Variants in OTOA observed in about 807,000 individuals in gnomAD.
OTOA encodes otoancorin.
A neutral mutation model predicts 110.8 loss-of-function variants in OTOA; 70 were observed. The observed-to-expected ratio is 0.63, with a 90% CI of 0.52 to 0.77. OTOA has a LOEUF of 0.77. Among genes scored for constraint, OTOA ranks in the 30% least tolerant of loss-of-function variants. OTOA has a pLI of 0.00. For synonymous variants in OTOA, 373 were observed against 431.5 expected (o/e 0.86, Z 1.68); for missense variants, 917 against 1,075.8 (o/e 0.85, Z 2.06).
intron 10 of OTOA, among the ~76,000 whole-genome samples, chr16:21,698,543 T>G (rs1475869311): frequency 6.6e-6 from 1 of 152,136 alleles, no homozygotes; most frequent in African/African-American, 2.4e-5. Context: ...TTTTTCTTCT[T>G]CTTCTTCTTC....
At chr16:21,706,970 C>T (rs181535749) in intron 12 of OTOA, among the ~76,000 whole-genome samples, 11 of 151,308 alleles carry the variant, frequency 7.3e-5, no homozygotes, top group Admixed American at 2.7e-4. Flanking sequence ...TTGCAACCTT[C>T]GCCTTGCCTC....
In OTOA at chr16:21,687,611, C is replaced by A; in HGVS notation, c.598C>A (p.Leu200Ile). The stretch of plus-strand genomic sequence containing the variant: ...TCTCCAGCCAGACATCACAGAGCGG[C>A]TCCCTCGGGACCTGCGCGAGGATGC... Reference protein sequence around the residue: ...SFLQPDITERLPRDLREDAFK... With the variant: ...SFLQPDITERIPRDLREDAFK... Residue 200 changes from leucine to isoleucine, a missense_variant, in exon 8 of 29, where the codon CTC (leucine) becomes ATC (isoleucine). Leu to Ile is a conservative substitution (Grantham distance 5). Transcript: ENST00000646100. The A allele has an allele frequency of 6.2e-7, 1 of 1,613,412 alleles. No homozygotes were observed. The highest frequency in any genetic ancestry group is 8.5e-7 in the Non-Finnish European group (1 of 1,179,920).
chr16:21,690,295 G>A (rs927494345), intron 8 of OTOA, among the ~76,000 whole-genome samples: 5 of 151,930 alleles, frequency 3.3e-5, no homozygotes, highest in African/African-American at 1.2e-4. Flanking sequence ...CACCACCTAG[G>A]TATCAAGCCC....
At chr16:21,707,053 T>G (rs1898189154) in intron 12 of OTOA, among the ~76,000 whole-genome samples, 1 of 151,528 alleles carries the variant, frequency 6.6e-6, no homozygotes, top group African/African-American at 2.4e-5. Flanking sequence ...TTAGTAGAGA[T>G]GGGGTTTTAC....
intron 1 of OTOA, among the ~76,000 whole-genome samples, chr16:21,670,871 A>G (rs184220735): frequency 2.6e-5 from 4 of 152,312 alleles, no homozygotes; most frequent in African/African-American, 9.6e-5. Context: ...CCGGGCAAAG[A>G]GGAAGGGGAA....
chr16:21,687,749 C>T, intron 8 of OTOA, 101 bp downstream of exon 8: 12 of 1,009,592 alleles, frequency 1.2e-5, no homozygotes, highest in Non-Finnish European at 1.6e-5. Flanking sequence ...CTCACTGCAA[C>T]CTCTGCCTCC....
At chr16:21,709,007 G>A (rs1280025053) in intron 12 of OTOA, among the ~76,000 whole-genome samples, 1 of 152,148 alleles carries the variant, frequency 6.6e-6, no homozygotes, top group Non-Finnish European at 1.5e-5. Flanking sequence ...TTACAACTCT[G>A]TAAAAACTAT....
intron 6 of OTOA, 51 bp downstream of exon 6, chr16:21,681,876 G>A (rs774223142): frequency 2.6e-6 from 4 of 1,541,236 alleles, no homozygotes; most frequent in East Asian, 2.2e-5. Flanking sequence ...CTCAGGGATT[G>A]CAAACTCAGG....
intron 7 of OTOA, 22 bp downstream of exon 7, chr16:21,685,383 G>A (rs181276948): frequency 1.7e-5 from 28 of 1,607,150 alleles, no homozygotes; most frequent in Middle Eastern, 3.3e-4. Flanking sequence ...TTGGCATCCC[G>A]GGGATAGAGG....
rs1441299145 is a variant in OTOA at position 21,722,890 on chromosome 16, T to C, written c.1807-15T>C. 1 of 1,611,710 alleles carries C rather than the reference T, an allele frequency of 6.2e-7. No homozygotes were observed. The highest frequency in any genetic ancestry group is 8.5e-7 in the Non-Finnish European group (1 of 1,177,808). ...TCTTACTGCATTAAATCCCCAGAACTGCTTAATCTTTCAGGTTAATTGTTT... is the reference window on the plus strand; with the variant it reads ...TCTTACTGCATTAAATCCCCAGAACCGCTTAATCTTTCAGGTTAATTGTTT... On this transcript the variant is annotated splice_polypyrimidine_tract_variant and intron_variant, in intron 17 of 28. Transcript: ENST00000646100.
Position 21,685,164 on chromosome 16 carries a change from C to G in OTOA, c.268-66C>G, listed in dbSNP as rs563563607. On this transcript the variant is annotated intron_variant, in intron 6 of 28. Transcript: ENST00000646100. ...GAGGGGGCCGGGCTGGGCCGCTGGCCATGGTGCTGACCATGTGCTCCTGCT... is the reference window on the plus strand; with the variant it reads ...GAGGGGGCCGGGCTGGGCCGCTGGCGATGGTGCTGACCATGTGCTCCTGCT... 11 of 1,595,410 alleles carry G rather than the reference C, an allele frequency of 6.9e-6. No individual in the cohort carries two copies. In the South Asian group the frequency reaches 1.2e-4, roughly 18 times the overall value.
At chr16:21,707,657 CT>C (rs1567379625) in intron 12 of OTOA, among the ~76,000 whole-genome samples, 1 of 91,478 alleles carries the variant, frequency 1.1e-5, no homozygotes, top group African/African-American at 3.7e-5. Context: ...TTCTTTCTTT[CT>C]CTTTCTTTCT....
rs1899297863 is a variant in OTOA at position 21,736,360 on chromosome 16, G to C, written c.2401G>C (p.Asp801His). Residue 801 changes from aspartate (D) to histidine (H), a missense_variant, in exon 22 of 29, where the codon GAT becomes CAT. Asp to His is a moderately conservative substitution (Grantham distance 81). Around this residue, in one of 6 missense-constraint regions of OTOA, gnomAD observed 57 missense variants for 59.7 expected, o/e 0.96. Coordinates refer to ENST00000646100, the MANE Select transcript of OTOA (RefSeq NM_144672.4). ...CTTTCAGTCTGTTCGGAACAGCAGT[G>C]ATAAGATCCCCAGCTATGACCCTAT... ...AVFQSVRNSS[D>H]KIPSYDPMPG... 3 of 1,614,144 alleles carry C rather than the reference G, an allele frequency of 1.9e-6. No individual in the cohort carries two copies. Among genetic ancestry groups the C allele is most frequent in the Non-Finnish European group, 2.5e-6 (3 of 1,180,018 alleles).
chr16:21,694,204 G>A (rs1567371680), intron 9 of OTOA, among the ~76,000 whole-genome samples: 1 of 152,104 alleles, frequency 6.6e-6, no homozygotes, highest in Non-Finnish European at 1.5e-5. Context: ...ACTTTGGGAG[G>A]CCCAGGCAGG....
chr16:21,757,900 G>A (rs1258951385), intron 28 of OTOA, among the ~76,000 whole-genome samples: 2 of 152,086 alleles, frequency 1.3e-5, no homozygotes, highest in African/African-American at 2.4e-5. Context: ...TTACAGGCGC[G>A]AGCCACCAAG....
At position 21,717,053 on chromosome 16, in the gene OTOA, ACC is replaced by A. The variant is rs771092269; in HGVS notation, c.1629+7_1629+8del. 1 of 1,614,054 alleles carries A rather than the reference ACC, an allele frequency of 6.2e-7. No homozygotes were observed. The highest frequency in any genetic ancestry group is 1.7e-5 in the Admixed American group (1 of 60,008). On this transcript the variant is annotated splice_region_variant and intron_variant, in intron 15 of 28. Coordinates refer to ENST00000646100, the MANE Select transcript of OTOA (RefSeq NM_144672.4). ...AGGAACTTGGAAGGAGCCAGGTATT[ACC>A]ATGAAACACAGATCGATCCTGTATT...
chr16:21,694,265 A>G (rs941905261), intron 9 of OTOA, among the ~76,000 whole-genome samples: 3 of 151,960 alleles, frequency 2.0e-5, no homozygotes. Flanking sequence ...ACATAGCAAG[A>G]CCCCATTTCT....
chr16:21,682,062 A>G (rs1229633748), intron 6 of OTOA, among the ~76,000 whole-genome samples: 1 of 152,224 alleles, frequency 6.6e-6, no homozygotes, highest in Non-Finnish European at 1.5e-5. Context: ...GCTATAACAA[A>G]AAGACCCCCA....
intron 18 of OTOA, among the ~76,000 whole-genome samples, chr16:21,725,493 G>A (rs536304836): frequency 2.1e-4 from 32 of 152,066 alleles, no homozygotes; most frequent in Non-Finnish European, 3.4e-4. Flanking sequence ...TCACCATGTC[G>A]CTCAGGCTGG....
Sources: gnomAD v4.1 joint callset for allele counts (sites outside exome capture counted in the v4.1 genomes callset) on GRCh38, gnomAD v4.1.1 for gene constraint, gnomAD v4.1.1 regional missense constraint, MANE v1.5 for transcripts, NCBI Gene and HGNC (gene_info 2026-07-23, HGNC 2026-07-21) for gene names.